ZDHHC2: variants seen among roughly 807,000 people sequenced by gnomAD.
The protein encoded by ZDHHC2 is zDHHC palmitoyltransferase 2.
In ZDHHC2, 51 loss-of-function variants were observed where a neutral mutation model predicts 55.6. That is an observed-to-expected ratio of 0.92 (90% CI 0.73 to 1.16). The LOEUF is 1.16. ZDHHC2 is among the 50% of genes most tolerant of loss of function. The pLI is 0.00. For synonymous variants in ZDHHC2, 199 were observed against 152.9 expected (o/e 1.30, Z -2.22); for missense variants, 491 against 442.4 (o/e 1.11, Z -0.99).
intron 3 of ZDHHC2, among the ~76,000 whole-genome samples, chr8:17,189,879 G>T (rs776608407): frequency 2.6e-5 from 4 of 152,140 alleles, no homozygotes; most frequent in Non-Finnish European, 5.9e-5. Flanking sequence ...CTATTTTACA[G>T]ATGGAGCCAC....
At chr8:17,160,255 C>G (rs1307552617) in intron 1 of ZDHHC2, among the ~76,000 whole-genome samples, 1 of 152,218 alleles carries the variant, frequency 6.6e-6, no homozygotes, top group East Asian at 1.9e-4. Context: ...GTACAAGAAA[C>G]TTCCACATAC....
In ZDHHC2 at chr8:17,214,026, A is replaced by G. The variant is rs1207100761; in HGVS notation, c.951-1211A>G. Among the ~76,000 whole-genome samples, 4 of 152,322 alleles carry G rather than the reference A, an allele frequency of 2.6e-5. No homozygotes were observed. In the East Asian group the frequency reaches 7.7e-4, roughly 29 times the overall value. On this transcript the variant is annotated intron_variant, in intron 10 of 12. Transcript: ENST00000262096. ...GCATACGCATATATCCTTTAAAAAC[A>G]TAATAGTTACTATATATAATTGAAC...
intron 3 of ZDHHC2, among the ~76,000 whole-genome samples, chr8:17,195,276 G>T (rs536894708): frequency 6.6e-5 from 10 of 152,252 alleles, no homozygotes; most frequent in Admixed American, 4.6e-4. Flanking sequence ...ACCAGAGGAA[G>T]TAGGTACAGT....
chr8:17,196,432 A>G (rs1418429027), intron 4 of ZDHHC2, among the ~76,000 whole-genome samples: 4 of 152,018 alleles, frequency 2.6e-5, no homozygotes. Flanking sequence ...GCTTGTGCCT[A>G]TAATCCCAGC....
At chr8:17,175,859 G>A (rs1805100782) in intron 1 of ZDHHC2, among the ~76,000 whole-genome samples, 1 of 152,212 alleles carries the variant, frequency 6.6e-6, no homozygotes, top group South Asian at 2.1e-4. Flanking sequence ...CCTGAAGGAA[G>A]AGAAAGAAGG....
At chr8:17,199,338 C>G (rs1219764591) in intron 6 of ZDHHC2, among the ~76,000 whole-genome samples, 1 of 152,148 alleles carries the variant, frequency 6.6e-6, no homozygotes, top group East Asian at 1.9e-4. Flanking sequence ...TCTTAAAGGT[C>G]TCAATAAATA....
chr8:17,163,415 C>T (rs757110789), intron 1 of ZDHHC2, among the ~76,000 whole-genome samples: 3 of 151,954 alleles, frequency 2.0e-5, no homozygotes, highest in Non-Finnish European at 4.4e-5. Flanking sequence ...AGTGTGCTAG[C>T]GGGGAAAAAA....
intron 3 of ZDHHC2, among the ~76,000 whole-genome samples, chr8:17,191,074 GC>G (rs1457288537): frequency 7.0e-6 from 1 of 143,310 alleles, no homozygotes; most frequent in African/African-American, 2.6e-5. Context: ...GGATTCTCCT[GC>G]CTCAGCCTCC....
intron 1 of ZDHHC2, among the ~76,000 whole-genome samples, chr8:17,172,104 T>A (rs1309753287): frequency 1.3e-5 from 2 of 152,124 alleles, no homozygotes; most frequent in Admixed American, 1.3e-4. Flanking sequence ...TTGTTAATAG[T>A]CTTAAAGCCC....
At chr8:17,165,028 G>A (rs1332816845) in intron 1 of ZDHHC2, among the ~76,000 whole-genome samples, 2 of 152,208 alleles carry the variant, frequency 1.3e-5, no homozygotes, top group African/African-American at 2.4e-5. Context: ...GGGATGTGAG[G>A]AATGGTGTGA....
At chr8:17,168,932 A>C (rs1264336669) in intron 1 of ZDHHC2, among the ~76,000 whole-genome samples, 1 of 152,170 alleles carries the variant, frequency 6.6e-6, no homozygotes, top group Non-Finnish European at 1.5e-5. Flanking sequence ...TTATCCATTA[A>C]TGGGGGTTTG....
At position 17,210,086 on chromosome 8, in the gene ZDHHC2, T is replaced by C. The variant is rs1554469045; in HGVS notation, c.857+28T>C. 13 of 1,569,640 alleles carry C rather than the reference T, an allele frequency of 8.3e-6. No individual in the cohort carries two copies. The Middle Eastern group carries it at 5.0e-4, about 60-fold the overall frequency. On this transcript the variant is annotated intron_variant, in intron 9 of 12. Transcript: ENST00000262096. Reference sequence around the variant, plus strand: ...ACTTCTTTGTTAAAATTTTCAGGCTTTAAACTAATGAAAATAATACAGCAA... The same window carrying C: ...ACTTCTTTGTTAAAATTTTCAGGCTCTAAACTAATGAAAATAATACAGCAA...
intron 4 of ZDHHC2, 97 bp from the exon 5 acceptor site, chr8:17,197,485 T>C (rs1262946089): frequency 9.5e-7 from 1 of 1,055,520 alleles, no homozygotes; most frequent in Non-Finnish European, 1.4e-6. Context: ...TTTCATATGC[T>C]TTTTAAAATT....
At chr8:17,192,004 G>T (rs1285612843) in intron 3 of ZDHHC2, among the ~76,000 whole-genome samples, 2 of 152,042 alleles carry the variant, frequency 1.3e-5, no homozygotes, top group African/African-American at 4.8e-5. Flanking sequence ...TATTTTTTGA[G>T]GTAAGGTCTT....
intron 1 of ZDHHC2, among the ~76,000 whole-genome samples, chr8:17,172,261 C>A (rs1299324861): frequency 6.6e-6 from 1 of 152,098 alleles, no homozygotes; most frequent in Admixed American, 6.5e-5. Context: ...TTTTCAGGGC[C>A]GAGAGAACTG....
intron 1 of ZDHHC2, among the ~76,000 whole-genome samples, chr8:17,166,575 G>A (rs1157805422): frequency 6.6e-6 from 1 of 152,190 alleles, no homozygotes; most frequent in Non-Finnish European, 1.5e-5. Context: ...CTTGGCACTG[G>A]ATACATTTGT....
chr8:17,156,660 C>T lies in ZDHHC2; in HGVS notation c.-64C>T. ...TCCAGCCAGGGGTGCCGGGCCCGCC[C>T]AGCCCGCCCCGGAGCCAGGCCCGCG... On this transcript the variant is annotated 5_prime_UTR_variant, in exon 1 of 13. Coordinates refer to ENST00000262096, the MANE Select transcript of ZDHHC2 (RefSeq NM_016353.5). The T allele has an allele frequency of 6.8e-6, 8 of 1,176,360 alleles. No homozygotes were observed. The highest frequency in any genetic ancestry group is 5.2e-6 in the Non-Finnish European group (5 of 954,420). The allele number at this position is 1,176,360 out of a possible 1,614,324, so 72.9% of individuals were successfully genotyped here. A position where few individuals can be genotyped will look rare whatever the true frequency, so the allele number is the denominator to read the frequency against.
chr8:17,190,788 G>A (rs1805983843), intron 3 of ZDHHC2, among the ~76,000 whole-genome samples: 1 of 151,882 alleles, frequency 6.6e-6, no homozygotes, highest in South Asian at 2.1e-4. Flanking sequence ...CATGCAATGT[G>A]TAATAATCAC....
chr8:17,171,118 G>C (rs1804832562), intron 1 of ZDHHC2, among the ~76,000 whole-genome samples: 1 of 152,146 alleles, frequency 6.6e-6, no homozygotes, highest in Non-Finnish European at 1.5e-5. Context: ...CTTTCCTCAA[G>C]AAGGGAATCT....
Sources: gnomAD v4.1 joint callset for allele counts (sites outside exome capture counted in the v4.1 genomes callset) on GRCh38, gnomAD v4.1.1 for gene constraint, MANE v1.5 for transcripts, NCBI Gene and HGNC (gene_info 2026-07-23, HGNC 2026-07-21) for gene names.